The following SETBP1 variants were observed in gnomAD, a reference collection of about 807,000 sequenced individuals.
SETBP1 encodes SET-binding protein.
SETBP1 carries 9 observed loss-of-function variants against 101.0 expected under a neutral mutation model. The ratio of observed to expected loss-of-function variants is 0.09; its 90% confidence interval spans 0.05 to 0.16. SETBP1 has a LOEUF of 0.16. SETBP1 is among the 10% of genes least tolerant of loss of function. SETBP1 has a pLI of 1.00. For missense variants in SETBP1, 1,858 were observed against 2,033.8 expected (o/e 0.91, Z 1.66); for synonymous variants, 818 against 788.5 (o/e 1.04, Z -0.63).
chr18:44,748,887 G>T (rs2070322248), intron 2 of SETBP1, among the ~76,000 whole-genome samples: 1 of 152,140 alleles, frequency 6.6e-6, no homozygotes, highest in Non-Finnish European at 1.5e-5. Context: ...AAGTTGACTC[G>T]CAGACAGGTG....
At chr18:44,999,835 AATAAG>A (rs2145327049) in intron 4 of SETBP1, among the ~76,000 whole-genome samples, 1 of 152,376 alleles carries the variant, frequency 6.6e-6, no homozygotes, top group African/African-American at 2.4e-5. Context: ...CAATGAAACT[AATAAG>A]ATAATAGTTA....
intron 4 of SETBP1, among the ~76,000 whole-genome samples, chr18:45,015,576 C>A (rs558518998): frequency 6.6e-6 from 1 of 152,294 alleles, no homozygotes; most frequent in South Asian, 2.1e-4. Flanking sequence ...ATAAAACTGG[C>A]AGAAGGTCAG....
chr18:44,846,252 T>C lies in SETBP1; in HGVS notation c.487-22978T>C, dbSNP rs377163656. On this transcript the variant is annotated intron_variant, in intron 2 of 5. Coordinates refer to ENST00000649279, the MANE Select transcript of SETBP1 (RefSeq NM_015559.3). ...CTCCTTTATTTTTAAAGTTTAATGC[T>C]CCCATAGTATCTTTTCTTGAGATAT... Among the ~76,000 whole-genome samples, 19 of 152,314 alleles carry C rather than the reference T, an allele frequency of 1.2e-4. No homozygotes were observed. The East Asian group carries it at 3.3e-3, about 26-fold the overall frequency.
At chr18:44,787,856 G>A (rs1254417313) in intron 2 of SETBP1, among the ~76,000 whole-genome samples, 8 of 1,138 alleles carry the variant, frequency 7.0e-3, no homozygotes, top group East Asian at 9.6e-3. Context: ...GCGAGAGTCC[G>A]TCTCAAAAAA....
chr18:44,745,375 GGGGCT>G (rs1286042601), intron 2 of SETBP1, among the ~76,000 whole-genome samples: 1 of 152,182 alleles, frequency 6.6e-6, no homozygotes, highest in Non-Finnish European at 1.5e-5. Context: ...TGCGGGGCTA[GGGGCT>G]GATGACCAAG....
intron 5 of SETBP1, among the ~76,000 whole-genome samples, chr18:45,061,905 G>T (rs979474302): frequency 1.3e-5 from 2 of 152,208 alleles, no homozygotes; most frequent in African/African-American, 2.4e-5. Flanking sequence ...AACATGCAGC[G>T]TAAATCATAG....
At chr18:44,969,767 G>A (rs1442427348) in intron 4 of SETBP1, among the ~76,000 whole-genome samples, 1 of 152,188 alleles carries the variant, frequency 6.6e-6, no homozygotes, top group Non-Finnish European at 1.5e-5. Context: ...TGTTTGGAAA[G>A]TGAAATGATT....
At chr18:44,937,949 A>T (rs1297826654) in intron 3 of SETBP1, among the ~76,000 whole-genome samples, 1 of 152,138 alleles carries the variant, frequency 6.6e-6, no homozygotes, top group Non-Finnish European at 1.5e-5. Context: ...AAAATATAAA[A>T]TGATCTCTCA....
chr18:45,018,620 T>G (rs2072996718), intron 4 of SETBP1, among the ~76,000 whole-genome samples: 1 of 152,254 alleles, frequency 6.6e-6, no homozygotes, highest in Non-Finnish European at 1.5e-5. Flanking sequence ...TGATGTGTTA[T>G]GTGCTGGATA....
intron 2 of SETBP1, among the ~76,000 whole-genome samples, chr18:44,771,105 A>G (rs1199690202): frequency 6.6e-6 from 1 of 151,780 alleles, no homozygotes. Context: ...TGCTGGCTGC[A>G]TCAGAATTAC....
chr18:44,830,498 G>A (rs1357065878), intron 2 of SETBP1, among the ~76,000 whole-genome samples: 3 of 152,196 alleles, frequency 2.0e-5, no homozygotes, highest in Non-Finnish European at 4.4e-5. Context: ...CAGGCTAAGG[G>A]AAGATGTGTA....
chr18:44,752,978 T>A (rs2070418803), intron 2 of SETBP1, among the ~76,000 whole-genome samples: 1 of 152,232 alleles, frequency 6.6e-6, no homozygotes, highest in African/African-American at 2.4e-5. Flanking sequence ...TGATTCCAAC[T>A]TCTCAAATCT....
At chr18:45,024,934 C>T (rs1198305157) in intron 4 of SETBP1, among the ~76,000 whole-genome samples, 3 of 152,256 alleles carry the variant, frequency 2.0e-5, no homozygotes, top group Non-Finnish European at 4.4e-5. Context: ...ATTTCCAAAT[C>T]TCATTTACAT....
intron 2 of SETBP1, among the ~76,000 whole-genome samples, chr18:44,831,087 T>A (rs1157914737): frequency 2.0e-5 from 3 of 152,218 alleles, no homozygotes; most frequent in Non-Finnish European, 4.4e-5. Context: ...ATCCTCTTTT[T>A]TAAAAAAGGA....
chr18:45,037,468 G>A (rs1436315668), intron 4 of SETBP1, among the ~76,000 whole-genome samples: 1 of 152,030 alleles, frequency 6.6e-6, no homozygotes, highest in African/African-American at 2.4e-5. Context: ...CACTAGGCAC[G>A]GTTCTAAGCT....
Position 44,827,001 on chromosome 18 carries a change from G to C in SETBP1, c.487-42229G>C, listed in dbSNP as rs556416614. ...ATCCAATGCAGGCTAAGAATGCCAT[G>C]GGAGAGCTTCTCTCCCTCACTTGAT... On this transcript the variant is annotated intron_variant, in intron 2 of 5. Coordinates refer to ENST00000649279, the MANE Select transcript of SETBP1 (RefSeq NM_015559.3). Among the ~76,000 whole-genome samples the C allele has an allele frequency of 3.3e-5, 5 of 152,320 alleles. No homozygotes were observed. In the South Asian group the frequency reaches 1.0e-3, roughly 32 times the overall value.
At chr18:45,036,947 A>G (rs16978252) in intron 4 of SETBP1, among the ~76,000 whole-genome samples, 19,866 of 152,224 alleles carry the variant, frequency 0.13, 1,980 homozygotes, top group African/African-American at 0.28. Flanking sequence ...GAGTGAGTTC[A>G]GGTCTCCTTT....
At chr18:44,841,470 A>G (rs1422905226) in intron 2 of SETBP1, among the ~76,000 whole-genome samples, 7 of 152,172 alleles carry the variant, frequency 4.6e-5, no homozygotes, top group African/African-American at 1.7e-4. Flanking sequence ...GCCACACTCA[A>G]GGGGAAAGGG....
rs191174738 is a variant in SETBP1 at position 45,055,073 on chromosome 18, C to A, written c.4172-8006C>A. ...AATCTAGCAGGAAATATTAATCAAA[C>A]ATCTACTATGACACAGGAACTGTGT... On this transcript the variant is annotated intron_variant, in intron 5 of 5. Transcript: ENST00000649279. Among the ~76,000 whole-genome samples, 337 of 152,308 alleles carry A rather than the reference C, an allele frequency of 2.2e-3. 1 individual carries two copies. The highest frequency in any genetic ancestry group is 3.4e-3 in the Middle Eastern group (1 of 294).
Sources: allele counts gnomAD v4.1 joint callset (sites outside exome capture counted in the v4.1 genomes callset), GRCh38; gene constraint gnomAD v4.1.1; transcripts MANE v1.5; gene names NCBI Gene and HGNC (gene_info 2026-07-23, HGNC 2026-07-21).